Variants in WWOX observed in about 807,000 individuals in gnomAD.
The protein encoded by WWOX is WW domain-containing oxidoreductase.
In WWOX, 69 loss-of-function variants were observed where a neutral mutation model predicts 46.2. The observed-to-expected ratio is 1.49, with a 90% CI of 1.23 to 1.82. The LOEUF (loss-of-function observed/expected upper bound fraction) is 1.82. Among genes scored for constraint, WWOX ranks in the 40% most tolerant of loss-of-function variants. WWOX has a pLI of 0.00. For synonymous variants in WWOX, 359 were observed against 202.6 expected (o/e 1.77, Z -6.56); for missense variants, 919 against 542.6 (o/e 1.69, Z -6.89).
intron 6 of WWOX, among the ~76,000 whole-genome samples, chr16:78,411,048 C>G (rs2082668649): frequency 6.6e-6 from 1 of 152,074 alleles, no homozygotes; most frequent in African/African-American, 2.4e-5. Flanking sequence ...AGCAAGAGAG[C>G]AAGAACAGGA....
Position 78,347,037 on chromosome 16 carries a change from T to C in WWOX, c.517-39823T>C, listed in dbSNP as rs1328834315. 1.7e-5 allele frequency among the ~76,000 whole-genome samples: 2 copies of C among 119,430 alleles called. 1 individual carries two copies. The highest frequency in any genetic ancestry group is 5.7e-5 in the African/African-American group (2 of 35,112). 78.4% of individuals were successfully genotyped at this position (119,430 alleles called of 152,430 possible). Reference sequence around the variant, plus strand: ...ACAGCGCCCGGTGGTCATATCTCTTTCTTGCGTTTTTGTGGGGGTTGGGGT... The same window carrying C: ...ACAGCGCCCGGTGGTCATATCTCTTCCTTGCGTTTTTGTGGGGGTTGGGGT... On this transcript the variant is annotated intron_variant, in intron 5 of 8. Coordinates refer to ENST00000566780, the MANE Select transcript of WWOX (RefSeq NM_016373.4).
At chr16:78,869,788 C>A (rs929935236) in intron 8 of WWOX, among the ~76,000 whole-genome samples, 1 of 152,154 alleles carries the variant, frequency 6.6e-6, no homozygotes, top group African/African-American at 2.4e-5. Context: ...TTAGCAGAGC[C>A]AAAAGCCAGC....
chr16:78,815,195 C>T (rs538867181), intron 8 of WWOX, among the ~76,000 whole-genome samples: 1 of 152,194 alleles, frequency 6.6e-6, no homozygotes, highest in African/African-American at 2.4e-5. Context: ...CATGGTGGCA[C>T]ACACCTGTAA....
intron 8 of WWOX, among the ~76,000 whole-genome samples, chr16:78,971,231 C>T (rs1039819426): frequency 2.0e-5 from 3 of 151,814 alleles, no homozygotes; most frequent in South Asian, 2.1e-4. Context: ...GAGGCTGAGG[C>T]GGGAAGATCA....
chr16:78,483,413 C>T (rs2084545927), intron 8 of WWOX, among the ~76,000 whole-genome samples: 2 of 142,292 alleles, frequency 1.4e-5, no homozygotes, highest in African/African-American at 5.4e-5. Context: ...TTGCCGGCAT[C>T]TGCGTAGAAT....
chr16:78,752,021 G>A (rs776105883), intron 8 of WWOX, among the ~76,000 whole-genome samples: 5 of 152,130 alleles, frequency 3.3e-5, no homozygotes, highest in African/African-American at 4.8e-5. Flanking sequence ...GGAGGAGGAT[G>A]AGGAGAGAGA....
chr16:78,403,464 G>C (rs1455697972), intron 6 of WWOX, among the ~76,000 whole-genome samples: 1 of 152,270 alleles, frequency 6.6e-6, no homozygotes, highest in Non-Finnish European at 1.5e-5. Context: ...TGCTGCTTTA[G>C]TATTGCTTTA....
intron 8 of WWOX, among the ~76,000 whole-genome samples, chr16:78,437,821 A>G (rs2083366205): frequency 6.6e-6 from 1 of 152,238 alleles, no homozygotes; most frequent in Non-Finnish European, 1.5e-5. Context: ...TACGTGCATT[A>G]CATGTTTATT....
chr16:79,026,261 A>G (rs2047639366), intron 8 of WWOX, among the ~76,000 whole-genome samples: 1 of 151,382 alleles, frequency 6.6e-6, no homozygotes, highest in Non-Finnish European at 1.5e-5. Flanking sequence ...TAGTCACCCT[A>G]CCCTCGGTCA....
intron 8 of WWOX, among the ~76,000 whole-genome samples, chr16:78,913,688 G>A (rs1016784097): frequency 1.3e-5 from 2 of 151,416 alleles, no homozygotes; most frequent in African/African-American, 2.4e-5. Flanking sequence ...TAGTGACTGG[G>A]TCTTGCTATG....
intron 8 of WWOX, among the ~76,000 whole-genome samples, chr16:79,087,916 C>G (rs1029388595): frequency 1.3e-5 from 2 of 152,122 alleles, no homozygotes; most frequent in African/African-American, 4.8e-5. Context: ...TCAAGGAGGC[C>G]TAGGGACCCT....
intron 5 of WWOX, among the ~76,000 whole-genome samples, chr16:78,288,455 T>C (rs1597446675): frequency 6.6e-6 from 1 of 152,196 alleles, no homozygotes; most frequent in Middle Eastern, 3.4e-3. Flanking sequence ...GTGGCTGTGG[T>C]TGTCAATTTA....
At chr16:78,753,800 TCAAAA>T (rs2049548467) in intron 8 of WWOX, among the ~76,000 whole-genome samples, 1 of 18,376 alleles carries the variant, frequency 5.4e-5, no homozygotes, top group Non-Finnish European at 8.5e-5. Context: ...AGACCCTATA[TCAAAA>T]AAAAAAAAAA....
intron 5 of WWOX, among the ~76,000 whole-genome samples, chr16:78,312,378 A>ATTTTTTTT (rs1390839902): frequency 1.3e-5 from 1 of 77,676 alleles, no homozygotes; most frequent in African/African-American, 5.6e-5. Flanking sequence ...TGTAGGTCTA[A>ATTTTTTTT]TTCTTTTTTT....
chr16:78,222,697 G>C (rs554366610), intron 5 of WWOX, among the ~76,000 whole-genome samples: 89 of 152,302 alleles, frequency 5.8e-4, no homozygotes, highest in Admixed American at 1.1e-3. Flanking sequence ...GTGATGTTCA[G>C]CAGTTTATAC....
chr16:79,075,113 A>G (rs1356495338), intron 8 of WWOX, among the ~76,000 whole-genome samples: 2 of 152,214 alleles, frequency 1.3e-5, no homozygotes, highest in African/African-American at 2.4e-5. Context: ...GTTTCTCAAA[A>G]TATAATTCCT....
intron 8 of WWOX, among the ~76,000 whole-genome samples, chr16:79,013,637 G>A (rs985560818): frequency 3.3e-5 from 5 of 152,034 alleles, no homozygotes; most frequent in African/African-American, 1.2e-4. Flanking sequence ...CCTGGGTCCC[G>A]GGTCTCCTCG....
At chr16:78,348,459 T>A (rs879742502) in intron 5 of WWOX, among the ~76,000 whole-genome samples, 1 of 120,288 alleles carries the variant, frequency 8.3e-6, no homozygotes, top group African/African-American at 2.8e-5. Flanking sequence ...TGATGCGGTG[T>A]TTATTTTATT....
chr16:78,495,145 CTT>C (rs71140804), intron 8 of WWOX, among the ~76,000 whole-genome samples: 9 of 116,596 alleles, frequency 7.7e-5, no homozygotes, highest in African/African-American at 1.2e-4. Flanking sequence ...CTGTTGTGTT[CTT>C]TTTTTTTTTT....
Sources: allele counts gnomAD v4.1 joint callset (sites outside exome capture counted in the v4.1 genomes callset), GRCh38; gene constraint gnomAD v4.1.1; transcripts MANE v1.5; gene names NCBI Gene and HGNC (gene_info 2026-07-23, HGNC 2026-07-21).